Variants in SPOCD1 observed in about 807,000 individuals in gnomAD.
SPOCD1 encodes the protein SPOC domain containing 1.
Under a neutral mutation model 92.2 loss-of-function variants are expected in SPOCD1, and 64 were observed. The ratio of observed to expected loss-of-function variants is 0.69; its 90% CI spans 0.57 to 0.86. The LOEUF (loss-of-function observed/expected upper bound fraction) is 0.86, where lower values mean the gene tolerates loss of function less well. SPOCD1 is among the 40% of genes least tolerant of loss of function. The pLI is 0.00. For synonymous variants in SPOCD1, 578 were observed against 619.3 expected, an observed-to-expected ratio of 0.93 and a Z score of 0.99; for missense variants, 1,360 against 1,543.1, an observed-to-expected ratio of 0.88 and a Z score of 1.99.
chr1:31,791,407 G>T, intron 15 of SPOCD1, 116 bp from the exon 16 acceptor site: 1 of 800,110 alleles, frequency 1.2e-6, no homozygotes, highest in Non-Finnish European at 1.8e-6. Flanking sequence ...TAAGTAGGAA[G>T]GTGGGGCTGT....
At chr1:31,809,760 G>GAGACTCT (rs1326765812) in intron 2 of SPOCD1, among the ~76,000 whole-genome samples, 17 of 152,138 alleles carry the variant, frequency 1.1e-4, no homozygotes, top group Non-Finnish European at 2.4e-4. Flanking sequence ...GAGACTCTTA[G>GAGACTCT]AACAGTGCCT....
rs758582212 is a variant in SPOCD1 at position 31,794,121 on chromosome 1, CA to C, written c.2383+2del. On this transcript the variant is annotated splice_donor_variant, in intron 11 of 15. Transcript: ENST00000360482. LOFTEE classifies it high-confidence loss of function. ...CCTGCACCCCTCCCGTGTCCCCTCC[CA>C]CCCTTGCAGATGTGGCAGTTGGGGT... 6.2e-7 allele frequency: 1 copy of C among 1,613,652 alleles called. No individual in the cohort carries two copies. Among genetic ancestry groups the C allele is most frequent in the Non-Finnish European group, 8.5e-7 (1 of 1,179,704 alleles).
At chr1:31,803,583 A>G (rs1384618395) in intron 2 of SPOCD1, among the ~76,000 whole-genome samples, 2 of 151,802 alleles carry the variant, frequency 1.3e-5, no homozygotes, top group African/African-American at 2.4e-5. Context: ...AACAAGAAAA[A>G]AAAAAAAAAT....
intron 4 of SPOCD1, 61 bp downstream of exon 4, chr1:31,800,369 AGTGACATCTCT>A (rs1648364719): frequency 6.8e-7 from 1 of 1,472,478 alleles, no homozygotes; most frequent in East Asian, 2.5e-5. Flanking sequence ...TCTGAGCCTC[AGTGACATCTCT>A]GTGAATCAGG....
rs1055413395 is a variant in SPOCD1, at chr1:31,790,516, T to C, written c.*87A>G. The stretch of plus-strand genomic sequence containing the variant: ...CAGGGCAGGTGGGTAGGGCTGACCA[T>C]CCTCTCCTTGCAGTCCCACCTCTCT... On this transcript the variant is annotated 3_prime_UTR_variant, in exon 16 of 16. Coordinates refer to ENST00000360482, the MANE Select transcript of SPOCD1 (RefSeq NM_144569.7). The C allele has an allele frequency of 5.2e-5, 64 of 1,241,036 alleles. No homozygotes were observed. Among genetic ancestry groups the C allele is most frequent in the Middle Eastern group, 2.2e-4 (1 of 4,566 alleles). 76.9% of individuals were successfully genotyped at this position (1,241,036 alleles called of 1,614,324 possible).
intron 2 of SPOCD1, among the ~76,000 whole-genome samples, chr1:31,806,778 C>T (rs1648847930): frequency 6.6e-6 from 1 of 152,112 alleles, no homozygotes; most frequent in African/African-American, 2.4e-5. Context: ...TGGTCTCAAA[C>T]TCCTGACCTC....
chr1:31,792,732 G>A lies in SPOCD1; in HGVS notation c.2721C>T (p.Ile907=), dbSNP rs1430483603. The change falls in exon 14 of 16, where the codon ATC becomes ATT. Residue 907 remains isoleucine, a synonymous_variant. Transcript: ENST00000360482. ...GAAGGTCCCAGACAATGTTGGAGGGGATGCAGCCTGCCGAGCGGATCACGG... is the reference window on the plus strand; with the variant it reads ...GAAGGTCCCAGACAATGTTGGAGGGAATGCAGCCTGCCGAGCGGATCACGG... ...LPTVIRSAGC[I]PSNIVWDLLA... 6 of 1,608,038 alleles carry A rather than the reference G, an allele frequency of 3.7e-6. No individual in the cohort carries two copies. The highest frequency in any genetic ancestry group is 5.1e-6 in the Non-Finnish European group (6 of 1,177,836).
chr1:31,812,847 G>A (rs1267766955), intron 2 of SPOCD1, among the ~76,000 whole-genome samples: 1 of 152,206 alleles, frequency 6.6e-6, no homozygotes, highest in Non-Finnish European at 1.5e-5. Context: ...CACCAGCTGG[G>A]TCTGTAACCT....
rs748650368 is a variant in SPOCD1 at position 31,792,313 on chromosome 1, C to T, written c.2864G>A (p.Arg955His). 4.0e-5 allele frequency: 64 copies of T among 1,613,802 alleles called. No homozygotes were observed. In the South Asian group the frequency reaches 5.1e-4, roughly 13 times the overall value. ...GTGCTCCACAGAGGCCAGCCCGTGGCGCTGCCTATCATTGAGGTATGAGTA... is the reference window on the plus strand; with the variant it reads ...GTGCTCCACAGAGGCCAGCCCGTGGTGCTGCCTATCATTGAGGTATGAGTA... ...LLYSYLNDRQ[R>H]HGLASVEHMG... Residue 955 changes from arginine (R) to histidine (H), a missense_variant, in exon 15 of 16, where the codon CGC (arginine) becomes CAC (histidine). Physicochemically the swap from Arg to His is conservative, Grantham distance 29. This residue lies in a region of SPOCD1 where 614 missense variants were observed against 757.8 expected (regional missense o/e 0.81). Transcript: ENST00000360482.
chr1:31,792,637 G>C, intron 14 of SPOCD1, 41 bp downstream of exon 14: 1 of 1,481,164 alleles, frequency 6.8e-7, no homozygotes, highest in Non-Finnish European at 9.2e-7. Context: ...GTGGGAGTAA[G>C]GTACTAGGAA....
At chr1:31,805,942 A>T (rs1648792309) in intron 2 of SPOCD1, among the ~76,000 whole-genome samples, 1 of 152,196 alleles carries the variant, frequency 6.6e-6, no homozygotes, top group Non-Finnish European at 1.5e-5. Context: ...CAGGCAAATA[A>T]CCAACCAAAA....
chr1:31,797,478 A>G (rs1346532666), intron 9 of SPOCD1, among the ~76,000 whole-genome samples: 1 of 152,240 alleles, frequency 6.6e-6, no homozygotes, highest in East Asian at 1.9e-4. Flanking sequence ...CCCACAAATT[A>G]CAAAGCCAGT....
Position 31,815,130 on chromosome 1 carries a change from G to A in SPOCD1, c.204C>T (p.Gly68=), listed in dbSNP as rs1649477046. 1 of 1,608,806 alleles carries A rather than the reference G, an allele frequency of 6.2e-7. No homozygotes were observed. Among genetic ancestry groups the A allele is most frequent in the East Asian group, 2.2e-5 (1 of 44,686 alleles). Reference sequence around the variant, plus strand: ...CAGCAGCACCTGCAGCCCGGGAGCTGCCACCTCGAAGGGCCTCCTTCCTGG... The same window carrying A: ...CAGCAGCACCTGCAGCCCGGGAGCTACCACCTCGAAGGGCCTCCTTCCTGG... ...KIPRKEALRG[G]SSRAAGAAEV... is the part of the protein sequence containing the mutation. The change falls in exon 2 of 16, where the codon GGC becomes GGT. Residue 68 remains glycine (G), a synonymous_variant. Transcript: ENST00000360482.
intron 2 of SPOCD1, among the ~76,000 whole-genome samples, chr1:31,804,884 A>G (rs969385225): frequency 6.6e-6 from 1 of 152,156 alleles, no homozygotes; most frequent in East Asian, 1.9e-4. Flanking sequence ...GAGCATTCCA[A>G]GATCCCTATA....
intron 15 of SPOCD1, among the ~76,000 whole-genome samples, chr1:31,791,551 G>A (rs796543701): frequency 6.6e-6 from 1 of 152,226 alleles, no homozygotes; most frequent in South Asian, 2.1e-4. Flanking sequence ...AAGGCCAAGC[G>A]CTTTGCTCAG....
chr1:31,810,354 A>ATTT (rs35691769), intron 2 of SPOCD1, among the ~76,000 whole-genome samples: 39,493 of 137,800 alleles, frequency 0.29, 7,046 homozygotes, highest in Admixed American at 0.39. Flanking sequence ...TTAGTGTTGA[A>ATTT]TTTTTTTTTT....
Position 31,800,017 on chromosome 1 carries a change from T to G in SPOCD1, c.1727A>C (p.Gln576Pro), listed in dbSNP as rs1334744588. 6.2e-7 allele frequency: 1 copy of G among 1,611,926 alleles called. No individual in the cohort carries two copies. Among genetic ancestry groups the G allele is most frequent in the Non-Finnish European group, 8.5e-7 (1 of 1,178,896 alleles). Residue 576 changes from glutamine to proline, a missense_variant and splice_region_variant, in exon 5 of 16, where the codon CAG (glutamine) becomes CCG (proline). Gln to Pro is a moderately conservative substitution (Grantham distance 76). Around this residue, in one of 3 missense-constraint regions of SPOCD1, gnomAD observed 606 missense variants for 601.5 expected, o/e 1.01. Coordinates refer to ENST00000360482, the MANE Select transcript of SPOCD1 (RefSeq NM_144569.7). The part of the protein sequence containing the change: ...GDPSSDPACS[Q>P]SGPMEAEEDS... ...CATGGCCGGGGCAGAACAACTTGCC[T>G]GGGAACATGCAGGGTCCGAGCTGGG...
intron 13 of SPOCD1, 70 bp downstream of exon 13, chr1:31,793,208 G>A: frequency 7.4e-7 from 1 of 1,360,114 alleles, no homozygotes; most frequent in South Asian, 1.5e-5. Context: ...GAGTGAAAGA[G>A]AGAGAGAGAG....
chr1:31,791,306 T>C lies in SPOCD1; in HGVS notation c.2963-15A>G. The C allele has an allele frequency of 6.7e-7, 1 of 1,493,346 alleles. No homozygotes were observed. Among genetic ancestry groups the C allele is most frequent in the Non-Finnish European group, 8.9e-7 (1 of 1,120,418 alleles). 92.5% of individuals were successfully genotyped at this position (1,493,346 alleles called of 1,614,324 possible). On this transcript the variant is annotated splice_polypyrimidine_tract_variant and intron_variant, in intron 15 of 15. Coordinates refer to ENST00000360482, the MANE Select transcript of SPOCD1 (RefSeq NM_144569.7). Reference sequence around the variant, plus strand: ...AGCCCAAAGGCCTGCGGGGAAGAACTGTGTTCAGCTTAGCTGCAGCAGATC... The same window carrying C: ...AGCCCAAAGGCCTGCGGGGAAGAACCGTGTTCAGCTTAGCTGCAGCAGATC...
Sources: gnomAD v4.1 joint callset for allele counts (sites outside exome capture counted in the v4.1 genomes callset) on GRCh38, gnomAD v4.1.1 for gene constraint, gnomAD v4.1.1 regional missense constraint, MANE v1.5 for transcripts, NCBI Gene and HGNC (gene_info 2026-07-23, HGNC 2026-07-21) for gene names.